Variants in MAGI2 observed in about 807,000 individuals in gnomAD.
MAGI2 encodes membrane-associated guanylate kinase, WW and PDZ domain-containing protein 2.
A neutral mutation model predicts 133.3 loss-of-function variants in MAGI2; 35 were observed. The observed-to-expected ratio is 0.26, with a 90% CI of 0.20 to 0.35. The LOEUF (loss-of-function observed/expected upper bound fraction) is 0.35, where lower values mean the gene tolerates loss of function less well. Among genes scored for constraint, MAGI2 ranks in the 10% least tolerant of loss-of-function variants. The pLI is 1.00. For synonymous variants in MAGI2, 729 were observed against 710.6 expected (o/e 1.03, Z -0.41); for missense variants, 1,636 against 1,863.4 (o/e 0.88, Z 2.25).
intron 1 of MAGI2, among the ~76,000 whole-genome samples, chr7:79,435,953 G>A (rs1444359997): frequency 2.6e-5 from 4 of 151,942 alleles, no homozygotes; most frequent in Non-Finnish European, 2.9e-5. Flanking sequence ...TAAAGAGTCC[G>A]GAAATAAAGC....
intron 3 of MAGI2, among the ~76,000 whole-genome samples, chr7:78,539,863 C>T (rs915912262): frequency 1.3e-5 from 2 of 152,216 alleles, no homozygotes; most frequent in Non-Finnish European, 2.9e-5. Flanking sequence ...TTCTTGAATG[C>T]TGATTGTGCT....
chr7:79,389,726 A>G (rs1414048422), intron 1 of MAGI2, among the ~76,000 whole-genome samples: 1 of 149,598 alleles, frequency 6.7e-6, no homozygotes, highest in African/African-American at 2.6e-5. Context: ...GAATAAAAGG[A>G]ATCCTAGTGT....
At chr7:79,184,891 C>A (rs1163505079) in intron 1 of MAGI2, among the ~76,000 whole-genome samples, 1 of 149,102 alleles carries the variant, frequency 6.7e-6, no homozygotes, top group Admixed American at 6.6e-5. Context: ...TCATAACCTC[C>A]TTTCCTCACA....
chr7:78,921,697 T>C (rs1423519863), intron 2 of MAGI2, among the ~76,000 whole-genome samples: 1 of 151,972 alleles, frequency 6.6e-6, no homozygotes, highest in Non-Finnish European at 1.5e-5. Context: ...AGTGGTGTGA[T>C]CTTGGCTCAC....
chr7:78,852,137 A>G (rs1258738765), intron 2 of MAGI2, among the ~76,000 whole-genome samples: 2 of 152,046 alleles, frequency 1.3e-5, no homozygotes, highest in Non-Finnish European at 2.9e-5. Flanking sequence ...ATTCGGGGTT[A>G]ATTTGTATTT....
At chr7:78,563,224 A>G (rs1416307891) in intron 3 of MAGI2, among the ~76,000 whole-genome samples, 1 of 152,166 alleles carries the variant, frequency 6.6e-6, no homozygotes, top group Non-Finnish European at 1.5e-5. Flanking sequence ...AAAAGGTTTT[A>G]TAATTTGAAA....
intron 1 of MAGI2, among the ~76,000 whole-genome samples, chr7:79,077,351 A>G (rs1482334985): frequency 6.6e-6 from 1 of 151,734 alleles, no homozygotes; most frequent in Admixed American, 6.6e-5. Context: ...AGGTCAGGAA[A>G]TCGATACCAT....
At chr7:78,276,129 A>T (rs1795033401) in intron 9 of MAGI2, among the ~76,000 whole-genome samples, 1 of 152,202 alleles carries the variant, frequency 6.6e-6, no homozygotes, top group African/African-American at 2.4e-5. Flanking sequence ...ATATAAAAAT[A>T]CAGTCAGCAG....
At chr7:78,449,374 C>T (rs1001246945) in intron 6 of MAGI2, among the ~76,000 whole-genome samples, 1 of 152,002 alleles carries the variant, frequency 6.6e-6, no homozygotes, top group Non-Finnish European at 1.5e-5. Flanking sequence ...AATTGATCCA[C>T]AATTAAACTT....
chr7:78,248,313 C>A (rs779116707), intron 10 of MAGI2, among the ~76,000 whole-genome samples: 9 of 152,086 alleles, frequency 5.9e-5, no homozygotes, highest in Non-Finnish European at 7.4e-5. Flanking sequence ...CTGATAAGGG[C>A]AAATATATCA....
chr7:78,832,612 G>C (rs563017), intron 2 of MAGI2, among the ~76,000 whole-genome samples: 1 of 152,132 alleles, frequency 6.6e-6, no homozygotes. Context: ...GAGTTTGACC[G>C]TCAGGGAGGA....
chr7:78,693,199 G>T (rs530841395), intron 2 of MAGI2, among the ~76,000 whole-genome samples: 1 of 152,280 alleles, frequency 6.6e-6, no homozygotes, highest in South Asian at 2.1e-4. Flanking sequence ...CAGCTTCCTT[G>T]TCTGAAAAGG....
At chr7:78,083,383 GGGGGGAGAGAGAGAGAGA>G (rs1754112980) in intron 20 of MAGI2, among the ~76,000 whole-genome samples, 1,180 of 76,412 alleles carry the variant, frequency 0.015, 31 homozygotes, top group African/African-American at 0.046. Context: ...AGGGAGGGAG[GGGGGGAGAGAGAGAGAGA>G]GAGAGAGAGA....
At chr7:78,974,870 A>G (rs1238183137) in intron 2 of MAGI2, among the ~76,000 whole-genome samples, 1 of 151,812 alleles carries the variant, frequency 6.6e-6, no homozygotes, top group Non-Finnish European at 1.5e-5. Flanking sequence ...ACAATTATCG[A>G]AAGTTTGACT....
chr7:78,957,818 GT>G (rs1360128799), intron 2 of MAGI2, among the ~76,000 whole-genome samples: 1 of 152,206 alleles, frequency 6.6e-6, no homozygotes, highest in East Asian at 1.9e-4. Flanking sequence ...CTCTCAACAT[GT>G]ATATACCTTG....
intron 2 of MAGI2, among the ~76,000 whole-genome samples, chr7:78,821,893 T>C (rs1482520792): frequency 1.3e-5 from 2 of 152,054 alleles, no homozygotes; most frequent in Non-Finnish European, 2.9e-5. Context: ...GAAAATTCTG[T>C]AGGCAATGTC....
chr7:79,399,307 T>C (rs1442572746), intron 1 of MAGI2, among the ~76,000 whole-genome samples: 1 of 151,954 alleles, frequency 6.6e-6, no homozygotes, highest in Non-Finnish European at 1.5e-5. Flanking sequence ...TTGGCCAGGC[T>C]GGTCTCAAAC....
At chr7:79,041,506 TTGAG>T (rs950546055) in intron 1 of MAGI2, among the ~76,000 whole-genome samples, 33 of 152,156 alleles carry the variant, frequency 2.2e-4, no homozygotes, top group African/African-American at 8.0e-4. Flanking sequence ...GTACTTATGC[TTGAG>T]TAATAGTAAA....
chr7:78,833,540 T>C (rs1167938264), intron 2 of MAGI2, among the ~76,000 whole-genome samples: 2 of 152,168 alleles, frequency 1.3e-5, no homozygotes, highest in Non-Finnish European at 2.9e-5. Context: ...CCTGCAACAG[T>C]AAAGTTGGAG....
Sources: allele counts gnomAD v4.1 joint callset (sites outside exome capture counted in the v4.1 genomes callset), GRCh38; gene constraint gnomAD v4.1.1; transcripts MANE v1.5; gene names NCBI Gene and HGNC (gene_info 2026-07-23, HGNC 2026-07-21).